BLTP3B: variants seen among roughly 807,000 people sequenced by gnomAD.
BLTP3B encodes bridge-like lipid transfer protein family member 3B, also known as UHRF1 (ICBP90) binding protein 1-like.
At chr12:100,041,687 G>A in the BLTP3B span, among the ~76,000 whole-genome samples, 16,732 of 151,914 alleles carry the variant, frequency 0.11, 1,141 homozygotes, top group African/African-American at 0.19. Flanking sequence ...CACCCGCCTC[G>A]GCTTCCCAAA....
chr12:100,098,682 A>C, the BLTP3B span: 1 of 786,558 alleles, frequency 1.3e-6, no homozygotes. Flanking sequence ...CAGGCAGATC[A>C]CTTGAGGCCA....
chr12:100,103,828 C>T, the BLTP3B span: 1 of 1,192,432 alleles, frequency 8.4e-7, no homozygotes, highest in Non-Finnish European at 1.1e-6. Context: ...ACTATATTTC[C>T]ATGAAACAAA....
At chr12:100,081,790 C>A in the BLTP3B span, among the ~76,000 whole-genome samples, 1 of 152,162 alleles carries the variant, frequency 6.6e-6, no homozygotes, top group Non-Finnish European at 1.5e-5. Flanking sequence ...TGTATATGTA[C>A]CACAGTTTCT....
At chr12:100,076,846 T>G in the BLTP3B span, among the ~76,000 whole-genome samples, 1 of 152,246 alleles carries the variant, frequency 6.6e-6, no homozygotes, top group Non-Finnish European at 1.5e-5. Context: ...AACGGCTTAT[T>G]CTTTTTTCCT....
chr12:100,090,185 T>C, the BLTP3B span, among the ~76,000 whole-genome samples: 1 of 152,214 alleles, frequency 6.6e-6, no homozygotes, highest in African/African-American at 2.4e-5. Context: ...TGATATTATT[T>C]AGTACTCTAA....
chr12:100,105,561 A>T, the BLTP3B span, among the ~76,000 whole-genome samples: 1 of 152,210 alleles, frequency 6.6e-6, no homozygotes, highest in Non-Finnish European at 1.5e-5. Flanking sequence ...GAAAGTTTTA[A>T]ATCTAAGATC....
chr12:100,098,497 G>A, the BLTP3B span: 1 of 1,613,188 alleles, frequency 6.2e-7, no homozygotes, highest in Non-Finnish European at 8.5e-7. Context: ...AGAATTTACA[G>A]AAACAGAAAT....
the BLTP3B span, chr12:100,092,800 A>C: frequency 1.8e-5 from 13 of 719,200 alleles, no homozygotes; most frequent in Middle Eastern, 6.9e-4. Context: ...CTTCCTTGCA[A>C]GTCTTAACAG....
chr12:100,040,104 CTAA>C, the BLTP3B span, among the ~76,000 whole-genome samples: 8 of 152,044 alleles, frequency 5.3e-5, no homozygotes, highest in Non-Finnish European at 1.0e-4. Context: ...ATTAGATTAA[CTAA>C]TAAACTTTTA....
At chr12:100,111,331 T>C in the BLTP3B span, among the ~76,000 whole-genome samples, 1 of 147,886 alleles carries the variant, frequency 6.8e-6, no homozygotes, top group Non-Finnish European at 1.5e-5. Context: ...TCTCGCTCTG[T>C]TGTCCAGGGT....
the BLTP3B span, among the ~76,000 whole-genome samples, chr12:100,089,550 A>G: frequency 7.3e-4 from 111 of 152,258 alleles, no homozygotes; most frequent in East Asian, 1.2e-3. Context: ...ACAGAGCGAG[A>G]CTCCATCTCA....
the BLTP3B span, chr12:100,060,060 T>G: frequency 6.5e-7 from 1 of 1,544,460 alleles, no homozygotes; most frequent in East Asian, 2.3e-5. Flanking sequence ...AGACAAGATG[T>G]TTTTTAAAAA....
the BLTP3B span, among the ~76,000 whole-genome samples, chr12:100,044,178 C>T: frequency 2.6e-5 from 4 of 151,952 alleles, no homozygotes; most frequent in African/African-American, 7.3e-5. Context: ...TTCTCACAGA[C>T]CTAAGCTATC....
At chr12:100,086,303 A>G in the BLTP3B span, 3 of 1,449,028 alleles carry the variant, frequency 2.1e-6, no homozygotes, top group Non-Finnish European at 2.8e-6. Context: ...AATAATCTAT[A>G]GTTAGCTGTG....
the BLTP3B span, among the ~76,000 whole-genome samples, chr12:100,113,751 A>G: frequency 1.3e-5 from 2 of 152,068 alleles, no homozygotes; most frequent in African/African-American, 2.4e-5. Flanking sequence ...TGAGGCCAAG[A>G]GTTTGACACT....
the BLTP3B span, among the ~76,000 whole-genome samples, chr12:100,068,675 T>A: frequency 5.9e-5 from 9 of 152,176 alleles, no homozygotes; most frequent in African/African-American, 1.9e-4. Context: ...CAAAAAGGGA[T>A]TGATGGCTGA....
At chr12:100,069,300 A>G in the BLTP3B span, among the ~76,000 whole-genome samples, 1 of 152,186 alleles carries the variant, frequency 6.6e-6, no homozygotes, top group Non-Finnish European at 1.5e-5. Context: ...AGAAGTCATT[A>G]TATGAAAAAG....
the BLTP3B span, chr12:100,058,433 A>T: frequency 6.2e-7 from 1 of 1,613,224 alleles, no homozygotes; most frequent in Non-Finnish European, 8.5e-7. Context: ...CTGATTTAAA[A>T]AGCAAAGGAT....
the BLTP3B span, among the ~76,000 whole-genome samples, chr12:100,053,262 G>A: frequency 0.013 from 1,925 of 151,780 alleles, 19 homozygotes; most frequent in Middle Eastern, 0.024. Flanking sequence ...AAAATTAGCC[G>A]GGTGTGGTGG....
Sources: allele counts gnomAD v4.1 joint callset (sites outside exome capture counted in the v4.1 genomes callset), GRCh38; gene constraint gnomAD v4.1.1; transcripts MANE v1.5; gene names NCBI Gene and HGNC (gene_info 2026-07-23, HGNC 2026-07-21).